NLRP5: variants seen among roughly 807,000 people sequenced by gnomAD.
The protein encoded by NLRP5 is NLR family pyrin domain containing 5.
A neutral mutation model predicts 113.1 loss-of-function variants in NLRP5; 93 were observed. That is an observed-to-expected ratio of 0.82 (90% confidence interval 0.70 to 0.98). NLRP5 has a LOEUF of 0.98. Among genes scored for constraint, NLRP5 ranks in the 50% least tolerant of loss-of-function variants. The probability of loss-of-function intolerance (pLI) is 0.00; values close to 1 mark genes in which losing one functional copy is unlikely to be tolerated. For missense variants in NLRP5, 1,808 were observed against 1,514.3 expected, an observed-to-expected ratio of 1.19 and a Z score of -3.22; for synonymous variants, 751 against 600.7, an observed-to-expected ratio of 1.25 and a Z score of -3.66.
intron 3 of NLRP5, among the ~76,000 whole-genome samples, chr19:56,015,422 C>A (rs1301065001): frequency 6.6e-6 from 1 of 152,192 alleles, no homozygotes; most frequent in African/African-American, 2.4e-5. Context: ...TCTTAAACCC[C>A]TGACCTCAAA....
intron 3 of NLRP5, among the ~76,000 whole-genome samples, chr19:56,012,130 C>A (rs1401916218): frequency 6.6e-6 from 1 of 151,890 alleles, no homozygotes; most frequent in Non-Finnish European, 1.5e-5. Context: ...GAAAGGTGTT[C>A]TTCCCGTAGT....
chr19:56,041,717 G>A (rs770130297), intron 11 of NLRP5, among the ~76,000 whole-genome samples: 2 of 152,172 alleles, frequency 1.3e-5, no homozygotes, highest in African/African-American at 2.4e-5. Context: ...GGAGGCTGAG[G>A]CAGGTGGATC....
rs138588453 is a variant in NLRP5, at chr19:56,030,443, A to G, written c.2276+1934A>G. On this transcript the variant is annotated intron_variant, in intron 7 of 14. Coordinates refer to ENST00000390649, the MANE Select transcript of NLRP5 (RefSeq NM_153447.4). Reference sequence around the variant, plus strand: ...TGTGCTAAGGCCTTGATAACAGGGCAGCTACCTTTGGTTGGAAAACAAGTA... The same window carrying G: ...TGTGCTAAGGCCTTGATAACAGGGCGGCTACCTTTGGTTGGAAAACAAGTA... Among the ~76,000 whole-genome samples, 438 of 152,240 alleles carry G rather than the reference A, an allele frequency of 2.9e-3. 2 individuals are homozygous for G. The highest frequency in any genetic ancestry group is 0.01 in the African/African-American group (421 of 41,552).
At chr19:56,004,156 G>A in intron 2 of NLRP5, 61 bp downstream of exon 2, 1 of 1,512,122 alleles carries the variant, frequency 6.6e-7, no homozygotes, top group East Asian at 2.3e-5. Flanking sequence ...GTTCTCATGG[G>A]AACAGGGAAG....
upstream of NLRP5, among the ~76,000 whole-genome samples, chr19:55,998,632 G>A (rs978899957): frequency 2.7e-5 from 4 of 146,194 alleles, no homozygotes; most frequent in Non-Finnish European, 4.5e-5. Flanking sequence ...CAGCCCGGGC[G>A]ACAATGCAAG....
At chr19:56,026,871 T>A in intron 6 of NLRP5, 42 bp from the exon 7 acceptor site, 2 of 1,526,618 alleles carry the variant, frequency 1.3e-6, no homozygotes, top group African/African-American at 2.7e-5. Flanking sequence ...CCACTGTGCC[T>A]GGTCTGTTTC....
intron 11 of NLRP5, among the ~76,000 whole-genome samples, chr19:56,042,991 T>G (rs1008953050): frequency 2.0e-5 from 3 of 152,112 alleles, no homozygotes; most frequent in Admixed American, 6.5e-5. Flanking sequence ...GTGTGTTTCT[T>G]TATCCACTCA....
intron 11 of NLRP5, among the ~76,000 whole-genome samples, chr19:56,041,946 G>A (rs1470845216): frequency 6.6e-6 from 1 of 152,172 alleles, no homozygotes; most frequent in Non-Finnish European, 1.5e-5. Context: ...GCAACAGAGT[G>A]AGACTGCATC....
chr19:56,009,046 C>A (rs1450638190), intron 3 of NLRP5, among the ~76,000 whole-genome samples, 193 bp downstream of exon 3: 1 of 151,996 alleles, frequency 6.6e-6, no homozygotes, highest in Non-Finnish European at 1.5e-5. Context: ...TTGAAGAGTT[C>A]TGTGGCCTGG....
chr19:56,014,218 A>G (rs572385695), intron 3 of NLRP5, among the ~76,000 whole-genome samples: 37 of 152,214 alleles, frequency 2.4e-4, no homozygotes, highest in African/African-American at 8.4e-4. Flanking sequence ...ACGGTGGCTT[A>G]CACCTGTAAT....
At chr19:56,033,401 G>T in intron 8 of NLRP5, 141 bp from the exon 9 acceptor site, 1 of 676,226 alleles carries the variant, frequency 1.5e-6, no homozygotes, top group Non-Finnish European at 2.6e-6. Context: ...CCCATCACAG[G>T]CACTCAGGTA....
intron 1 of NLRP5, among the ~76,000 whole-genome samples, chr19:56,001,332 A>AC (rs1981640479): frequency 7.3e-6 from 1 of 137,704 alleles, no homozygotes; most frequent in South Asian, 2.2e-4. Flanking sequence ...TTTAAAAAAA[A>AC]AAACAAACAA....
At chr19:56,026,428 T>G (rs1359685078) in intron 6 of NLRP5, among the ~76,000 whole-genome samples, 4 of 141,582 alleles carry the variant, frequency 2.8e-5, no homozygotes, top group East Asian at 2.2e-4. Flanking sequence ...CTCAGGAGGT[T>G]GAGGCAGGAG....
chr19:56,039,491 C>T (rs952160529), intron 10 of NLRP5, among the ~76,000 whole-genome samples: 1 of 152,142 alleles, frequency 6.6e-6, no homozygotes, highest in African/African-American at 2.4e-5. Flanking sequence ...CGATCACACC[C>T]TGAGCTCTCG....
chr19:55,995,146 G>C (rs1981285209), upstream of NLRP5, among the ~76,000 whole-genome samples: 2 of 152,060 alleles, frequency 1.3e-5, no homozygotes, highest in Admixed American at 6.6e-5. Flanking sequence ...ACTCATAGGT[G>C]GGAATTGAAC....
chr19:55,998,658 A>ATGTATGTGTG (rs1555762359), upstream of NLRP5, among the ~76,000 whole-genome samples: 26 of 44,668 alleles, frequency 5.8e-4, no homozygotes, highest in African/African-American at 2.9e-3. Context: ...GTCTCAAAAT[A>ATGTATGTGTG]TGTGTGTGTG....
At chr19:56,005,646 G>GCA (rs1266528218) in intron 2 of NLRP5, among the ~76,000 whole-genome samples, 5 of 147,316 alleles carry the variant, frequency 3.4e-5, no homozygotes, top group East Asian at 3.9e-4. Flanking sequence ...ACACACACGC[G>GCA]CGCAGGTGGC....
chr19:55,990,836 A>G, the NLRP5 span, among the ~76,000 whole-genome samples: 45 of 151,966 alleles, frequency 3.0e-4, no homozygotes, highest in African/African-American at 9.2e-4. Flanking sequence ...AAAAGAAAAA[A>G]AGCTGGGCAT....
chr19:56,041,668 C>T (rs548238622), intron 11 of NLRP5, among the ~76,000 whole-genome samples: 4 of 152,256 alleles, frequency 2.6e-5, no homozygotes, highest in Non-Finnish European at 4.4e-5. Flanking sequence ...ACTATTGCAG[C>T]GGGGCGCGGT....
Sources: gnomAD v4.1 joint callset for allele counts (sites outside exome capture counted in the v4.1 genomes callset) on GRCh38, gnomAD v4.1.1 for gene constraint, MANE v1.5 for transcripts, NCBI Gene and HGNC (gene_info 2026-07-23, HGNC 2026-07-21) for gene names.